The following MRPS23 variants were observed in gnomAD, a reference collection of about 807,000 sequenced individuals.
The protein encoded by MRPS23 is mitochondrial ribosomal protein S23.
A neutral mutation model predicts 19.8 loss-of-function variants in MRPS23; 14 were observed. The observed-to-expected ratio is 0.71, with a 90% CI of 0.47 to 1.11. The LOEUF (loss-of-function observed/expected upper bound fraction) is 1.11, where lower values mean the gene tolerates loss of function less well. Among genes scored for constraint, MRPS23 ranks in the 50% least tolerant of loss-of-function variants. The probability of loss-of-function intolerance (pLI) is 0.00; values close to 1 mark genes in which losing one functional copy is unlikely to be tolerated. For synonymous variants in MRPS23, 113 were observed against 89.7 expected (o/e 1.26, Z -1.47); for missense variants, 242 against 236.7 (o/e 1.02, Z -0.15).
intron 1 of MRPS23, 53 bp downstream of exon 1, chr17:57,849,914 G>C (rs1210815574): frequency 6.4e-7 from 1 of 1,558,950 alleles, no homozygotes; most frequent in Admixed American, 1.8e-5. Flanking sequence ...GACCGGCTGA[G>C]AACCCCAGCC....
rs1334584879 is a variant in MRPS23, at chr17:57,838,289, C to CACAA, written c.*1493_*1494insTTGT. 3.4e-5 allele frequency: 1 copy of CACAA among 29,406 alleles called. No individual in the cohort carries two copies. Among genetic ancestry groups the CACAA allele is most frequent in the Non-Finnish European group, 6.8e-5 (1 of 14,796 alleles). 1.8% of individuals were successfully genotyped at this position (29,406 alleles called of 1,614,324 possible). The stretch of plus-strand genomic sequence containing the variant: ...TGGGAAACAAAGTGATACTCCATCG[C>CACAA]AAAAAAAAAAAAAAAAAAAAAAAAA... On this transcript the variant is annotated 3_prime_UTR_variant, in exon 5 of 5. Coordinates refer to ENST00000313608, the MANE Select transcript of MRPS23 (RefSeq NM_016070.4).
In MRPS23 at chr17:57,849,322, C is replaced by T. The variant is rs144557755; in HGVS notation, c.133G>A (p.Val45Ile). The T allele has an allele frequency of 6.8e-6, 11 of 1,614,066 alleles. No individual in the cohort carries two copies. The highest frequency in any genetic ancestry group is 1.1e-5 in the South Asian group (1 of 91,088). Residue 45 changes from valine (V) to isoleucine (I), a missense_variant, in exon 2 of 5, where the codon GTC becomes ATC. Val to Ile is a conservative substitution (Grantham distance 29). Transcript: ENST00000313608. ...TATCGCACTCGAGGCCTTTGGAAGA[C>T]GGGCTCCCTCAGCGGGGGAAAGGCG... is the stretch of plus-strand genomic sequence containing the variant. ...YDAFPPLREP[V>I]FQRPRVRYGK...
chr17:57,844,800 T>C lies in MRPS23; in HGVS notation c.216-3540A>G, dbSNP rs192849794. ...CAAAAAAAAAAAAAAAAAAGTAATA[T>C]TTAACAAGAGGGACAAGTAAACTAT... On this transcript the variant is annotated intron_variant, in intron 2 of 4. Coordinates refer to ENST00000313608, the MANE Select transcript of MRPS23 (RefSeq NM_016070.4). 6.5e-3 allele frequency among the ~76,000 whole-genome samples: 989 copies of C among 151,550 alleles called. 10 individuals are homozygous for C. The highest frequency in any genetic ancestry group is 0.023 in the African/African-American group (934 of 41,236).
intron 2 of MRPS23, among the ~76,000 whole-genome samples, chr17:57,845,945 T>A (rs8076141): frequency 2.6e-3 from 395 of 152,256 alleles, no homozygotes; most frequent in African/African-American, 9.2e-3. Flanking sequence ...TGTTATTGAA[T>A]AAAGACAGGG....
At chr17:57,846,249 G>T (rs1187236376) in intron 2 of MRPS23, among the ~76,000 whole-genome samples, 1 of 142,942 alleles carries the variant, frequency 7.0e-6, no homozygotes, top group Non-Finnish European at 1.5e-5. Flanking sequence ...CCGGGAGGGA[G>T]GTGGGGGGTA....
chr17:57,836,653 T>G lies in MRPS23; in HGVS notation c.*3130A>C, dbSNP rs2073707575. The G allele has an allele frequency of 6.6e-6, 1 of 151,120 alleles. No individual in the cohort carries two copies. Among genetic ancestry groups the G allele is most frequent in the Admixed American group, 6.7e-5 (1 of 14,970 alleles). The allele number at this position is 151,120 out of a possible 1,614,324, so 9.4% of individuals were successfully genotyped here. On this transcript the variant is annotated 3_prime_UTR_variant, in exon 5 of 5. Coordinates refer to ENST00000313608, the MANE Select transcript of MRPS23 (RefSeq NM_016070.4). ...CTTGCTGTTTCACAAGTCACTCTTG[T>G]AGTCCCAACTCGATTTTAAGATTTT...
At chr17:57,847,535 GC>G (rs1356005765) in intron 2 of MRPS23, among the ~76,000 whole-genome samples, 20 of 151,026 alleles carry the variant, frequency 1.3e-4, no homozygotes, top group African/African-American at 4.9e-4. Context: ...GGTGGTGGGC[GC>G]CTGTAGTCCC....
At chr17:57,840,873 A>G (rs2073735814) in intron 4 of MRPS23, 53 bp downstream of exon 4, 2 of 1,603,458 alleles carry the variant, frequency 1.2e-6, no homozygotes, top group Non-Finnish European at 1.7e-6. Context: ...TCCCCTGTGC[A>G]TACTGAGGGA....
At chr17:57,843,327 A>G (rs1398100107) in intron 2 of MRPS23, among the ~76,000 whole-genome samples, 1 of 151,782 alleles carries the variant, frequency 6.6e-6, no homozygotes, top group Non-Finnish European at 1.5e-5. Flanking sequence ...TTTTGATCTT[A>G]GCCAACCTAA....
At chr17:57,849,116 A>T (rs1159969510) in intron 2 of MRPS23, 124 bp downstream of exon 2, 3 of 1,273,598 alleles carry the variant, frequency 2.4e-6, no homozygotes, top group Non-Finnish European at 3.2e-6. Flanking sequence ...TAATTTGGCT[A>T]GATAAGCCTT....
At chr17:57,840,864 C>A in intron 4 of MRPS23, 62 bp downstream of exon 4, 1 of 1,591,728 alleles carries the variant, frequency 6.3e-7, no homozygotes, top group Non-Finnish European at 8.6e-7. Context: ...TAGCACCAAT[C>A]CCCTGTGCAT....
At chr17:57,844,366 T>C (rs2073759196) in intron 2 of MRPS23, among the ~76,000 whole-genome samples, 1 of 151,652 alleles carries the variant, frequency 6.6e-6, no homozygotes, top group South Asian at 2.1e-4. Flanking sequence ...GTTCAATAAA[T>C]TATATAAATA....
intron 2 of MRPS23, 140 bp downstream of exon 2, chr17:57,849,100 C>T: frequency 3.0e-6 from 3 of 1,013,974 alleles, no homozygotes; most frequent in Non-Finnish European, 4.3e-6. Flanking sequence ...AGGGGTGCTG[C>T]CTCCCTAATT....
At chr17:57,846,404 A>G (rs913065737) in intron 2 of MRPS23, among the ~76,000 whole-genome samples, 2 of 152,118 alleles carry the variant, frequency 1.3e-5, no homozygotes, top group African/African-American at 2.4e-5. Context: ...CCGCCACCCC[A>G]TCTGGGAGGA....
rs767061136 is a variant in MRPS23 at position 57,849,932 on chromosome 17, G to A, written c.44+35C>T. The A allele has an allele frequency of 7.6e-6, 12 of 1,575,712 alleles. No homozygotes were observed. In the South Asian group the frequency reaches 1.4e-4, roughly 18 times the overall value. On this transcript the variant is annotated intron_variant, in intron 1 of 4. Transcript: ENST00000313608. ...CGGCTGAGAACCCCAGCCTGGGGGA[G>A]GCACCCTCAGCCCACCACGGCTGGG...
intron 2 of MRPS23, among the ~76,000 whole-genome samples, chr17:57,844,785 A>G (rs1032097994): frequency 2.0e-5 from 3 of 151,942 alleles, no homozygotes; most frequent in Non-Finnish European, 4.4e-5. Flanking sequence ...CAAAAAAAAA[A>G]AAAAAAAAGT....
chr17:57,846,163 G>T, intron 2 of MRPS23, among the ~76,000 whole-genome samples: 1 of 147,974 alleles, frequency 6.8e-6, no homozygotes, highest in African/African-American at 2.4e-5. Context: ...GGGAGGTAGG[G>T]GGCAGTCCCT....
chr17:57,843,360 T>C (rs763837939), intron 2 of MRPS23, among the ~76,000 whole-genome samples: 14 of 152,186 alleles, frequency 9.2e-5, no homozygotes, highest in Non-Finnish European at 1.9e-4. Context: ...CAGAACTCTT[T>C]ATAGTTTTAA....
At position 57,835,905 on chromosome 17, in the gene MRPS23, A is replaced by C. The variant is rs942666745; in HGVS notation, c.*3878T>G. On this transcript the variant is annotated 3_prime_UTR_variant, in exon 5 of 5. Coordinates refer to ENST00000313608, the MANE Select transcript of MRPS23 (RefSeq NM_016070.4). The stretch of plus-strand genomic sequence containing the variant: ...AGGGTCTGCTCCTGAAAGGCTGTTT[A>C]ATGTTTCAATGGGTTAAAAGAATAA... 2.6e-5 allele frequency: 4 copies of C among 151,456 alleles called. No homozygotes were observed. The highest frequency in any genetic ancestry group is 9.7e-5 in the African/African-American group (4 of 41,176). 9.4% of individuals were successfully genotyped at this position (151,456 alleles called of 1,614,324 possible).
Sources: allele counts gnomAD v4.1 joint callset (sites outside exome capture counted in the v4.1 genomes callset), GRCh38; gene constraint gnomAD v4.1.1; transcripts MANE v1.5; gene names NCBI Gene and HGNC (gene_info 2026-07-23, HGNC 2026-07-21).